The following MOB3A variants were observed in gnomAD, a reference collection of about 807,000 sequenced individuals.
MOB3A encodes MOB LAK.
Under a neutral mutation model 17.8 loss-of-function variants are expected in MOB3A, and 17 were observed. The ratio of observed to expected loss-of-function variants is 0.95; its 90% CI spans 0.65 to 1.43. The LOEUF is 1.43. MOB3A is among the 40% of genes most tolerant of loss of function. The pLI, the probability that MOB3A is intolerant of heterozygous loss-of-function variation, is 0.00. For missense variants in MOB3A, 333 were observed against 310.8 expected (o/e 1.07, Z -0.54); for synonymous variants, 124 against 133.2 (o/e 0.93, Z 0.48).
chr19:2,077,532 G>C (rs185161995), intron 3 of MOB3A, among the ~76,000 whole-genome samples: 1 of 152,198 alleles, frequency 6.6e-6, no homozygotes, highest in Non-Finnish European at 1.5e-5. Flanking sequence ...ACATCGAGCT[G>C]GGCAGGGGGT....
intron 1 of MOB3A, among the ~76,000 whole-genome samples, chr19:2,086,175 G>A (rs566360312): frequency 6.6e-6 from 1 of 150,864 alleles, no homozygotes; most frequent in African/African-American, 2.4e-5. Context: ...CAAGTAACAG[G>A]GACTACAGGT....
Position 2,073,278 on chromosome 19 carries a change from C to A in MOB3A, c.*117G>T. The A allele has an allele frequency of 7.4e-7, 1 of 1,354,196 alleles. No homozygotes were observed. The highest frequency in any genetic ancestry group is 1.0e-6 in the Non-Finnish European group (1 of 961,332). The allele number at this position is 1,354,196 out of a possible 1,614,324, so 83.9% of individuals were successfully genotyped here. On this transcript the variant is annotated 3_prime_UTR_variant, in exon 5 of 5. Transcript: ENST00000357066. Reference sequence around the variant, plus strand: ...CCAACACCTGCTCAGCGGCTCGGCCCCTGGTCTCCCTGAGATGCTCAGGCC... The same window carrying A: ...CCAACACCTGCTCAGCGGCTCGGCCACTGGTCTCCCTGAGATGCTCAGGCC...
At chr19:2,091,510 A>C (rs1197080937) in intron 1 of MOB3A, among the ~76,000 whole-genome samples, 1 of 150,942 alleles carries the variant, frequency 6.6e-6, no homozygotes. Flanking sequence ...CAGCCTCCCA[A>C]GTAGCTGGGA....
In MOB3A at chr19:2,078,575, C is replaced by T; in HGVS notation, c.-15G>A. On this transcript the variant is annotated 5_prime_UTR_variant, in exon 3 of 5. Coordinates refer to ENST00000357066, the MANE Select transcript of MOB3A (RefSeq NM_130807.3). ...GGGTTGGACATCTTGGTGACGCCTG[C>T]TCTCCTGGACTTCTGTAGAGGGGTC... is the stretch of plus-strand genomic sequence containing the variant. 1 of 1,550,000 alleles carries T rather than the reference C, an allele frequency of 6.5e-7. No individual in the cohort carries two copies. Among genetic ancestry groups the T allele is most frequent in the Non-Finnish European group, 8.7e-7 (1 of 1,144,668 alleles).
chr19:2,090,894 C>A (rs2017606884), intron 1 of MOB3A, among the ~76,000 whole-genome samples: 1 of 152,202 alleles, frequency 6.6e-6, no homozygotes, highest in Non-Finnish European at 1.5e-5. Flanking sequence ...GATCTCCTGA[C>A]CTCGTGATCC....
chr19:2,079,270 G>A (rs1029812671), intron 2 of MOB3A, among the ~76,000 whole-genome samples: 3 of 152,260 alleles, frequency 2.0e-5, no homozygotes, highest in African/African-American at 7.2e-5. Context: ...CAGCACTGTG[G>A]GGCTTGAGTG....
chr19:2,090,443 CT>C (rs2017600771), intron 1 of MOB3A, among the ~76,000 whole-genome samples: 1 of 152,098 alleles, frequency 6.6e-6, no homozygotes, highest in Admixed American at 6.5e-5. Context: ...CTGGGGACAT[CT>C]GTGGTTGTCA....
Position 2,073,384 on chromosome 19 carries a change from C to A in MOB3A, c.*11G>T, listed in dbSNP as rs774116448. 5.0e-6 allele frequency: 8 copies of A among 1,613,224 alleles called. No individual in the cohort carries two copies. The African/African-American group carries it at 9.3e-5, about 19-fold the overall frequency. On this transcript the variant is annotated 3_prime_UTR_variant, in exon 5 of 5. Coordinates refer to ENST00000357066, the MANE Select transcript of MOB3A (RefSeq NM_130807.3). ...AGCGGCGGTTCGGGCACCGGGAGAC[C>A]CGCGGGGCTCTCAGTGGCACATCCG...
rs557501064 is a variant in MOB3A at position 2,082,861 on chromosome 19, G to C, written c.-120+2314C>G. On this transcript the variant is annotated intron_variant, in intron 2 of 4. Coordinates refer to ENST00000357066, the MANE Select transcript of MOB3A (RefSeq NM_130807.3). The surrounding 1 kb of genome is among the most constrained non-coding windows in gnomAD (Gnocchi z 4.1). ...GGTTCTCGCTCTGCTGCTCAGGCTAGAGTGCAGTGGCAGGATCATGGCTCA... is the reference window on the plus strand; with the variant it reads ...GGTTCTCGCTCTGCTGCTCAGGCTACAGTGCAGTGGCAGGATCATGGCTCA... 1.4e-4 allele frequency among the ~76,000 whole-genome samples: 22 copies of C among 152,216 alleles called. No individual in the cohort carries two copies. Among genetic ancestry groups the C allele is most frequent in the Non-Finnish European group, 2.6e-4 (18 of 68,036 alleles).
rs1357115031 is a variant in MOB3A at position 2,076,881 on chromosome 19, G to A, written c.554C>T (p.Thr185Ile). Residue 185 changes from threonine to isoleucine, a missense_variant, in exon 4 of 5, where the codon ACC (threonine) becomes ATC (isoleucine). Thr to Ile is a moderately conservative substitution (Grantham distance 89). Transcript: ENST00000357066. ...GAAATAGTAGAAGTGCTTGTAGCAG[G>A]TGTTCACGTGGGCCTCGGAGCCCAT... ...AQMGSEAHVN[T>I]CYKHFYYFVK... 1.9e-5 allele frequency: 30 copies of A among 1,614,006 alleles called. No individual in the cohort carries two copies. The highest frequency in any genetic ancestry group is 2.5e-5 in the Non-Finnish European group (29 of 1,180,054).
intron 2 of MOB3A, among the ~76,000 whole-genome samples, chr19:2,083,599 C>T (rs921860540): frequency 6.6e-6 from 1 of 152,184 alleles, no homozygotes; most frequent in Non-Finnish European, 1.5e-5. Context: ...ACCGTGCAGG[C>T]GAGCAGATCC....
chr19:2,078,457 G>GC lies in MOB3A; in HGVS notation c.103dup (p.Ala35GlyfsTer36). The GC allele has an allele frequency of 6.2e-7, 1 of 1,612,716 alleles. No individual in the cohort carries two copies. The highest frequency in any genetic ancestry group is 1.1e-5 in the South Asian group (1 of 91,010). The stretch of plus-strand genomic sequence containing the variant: ...CAGCCCGGCGTTCAGCGACGCCTGC[G>GC]CCTTCTTGTGCAGCTCGAAGCGCTG... On this transcript the variant is annotated frameshift_variant, in exon 3 of 5. Transcript: ENST00000357066. LOFTEE classifies it high-confidence loss of function.
At chr19:2,081,643 T>C (rs2017491401) in intron 2 of MOB3A, among the ~76,000 whole-genome samples, 1 of 151,756 alleles carries the variant, frequency 6.6e-6, no homozygotes, top group South Asian at 2.1e-4. Context: ...CCCAGCACTT[T>C]GAGAGGCTGA....
In MOB3A at chr19:2,071,493, G is replaced by A. The variant is rs1485523875; in HGVS notation, c.*1902C>T. The A allele has an allele frequency of 1.3e-5, 2 of 152,378 alleles. No homozygotes were observed. Among genetic ancestry groups the A allele is most frequent in the East Asian group, 3.8e-4 (2 of 5,210 alleles). The allele number at this position is 152,378 out of a possible 1,614,324, so 9.4% of individuals were successfully genotyped here. A position where few individuals can be genotyped will look rare whatever the true frequency, so the allele number is the denominator to read the frequency against. The stretch of plus-strand genomic sequence containing the variant: ...TCGGTGACCATCCCAGGCGCCCAGA[G>A]GTGACCAGACTTCTGTGTGGTCTGG... On this transcript the variant is annotated 3_prime_UTR_variant, in exon 5 of 5. Coordinates refer to ENST00000357066, the MANE Select transcript of MOB3A (RefSeq NM_130807.3).
At chr19:2,087,390 C>T (rs534530578) in intron 1 of MOB3A, among the ~76,000 whole-genome samples, 5 of 152,332 alleles carry the variant, frequency 3.3e-5, no homozygotes, top group South Asian at 4.1e-4. Context: ...CAGTGGCTCA[C>T]GCCTGTAATC....
rs778716537 is a variant in MOB3A at position 2,078,311 on chromosome 19, T to C, written c.250A>G (p.Thr84Ala). The C allele has an allele frequency of 6.2e-7, 1 of 1,614,162 alleles. No individual in the cohort carries two copies. The highest frequency in any genetic ancestry group is 1.1e-5 in the South Asian group (1 of 91,088). ...GACATGACGGGGCAGGACTGCTCCG[T>C]GCAGCCGTCGCTGATGGTGCCGTAG... ...LIYGTISDGC[T>A]EQSCPVMSGG... Residue 84 changes from threonine to alanine, a missense_variant, in exon 3 of 5, where the codon ACG becomes GCG. Coordinates refer to ENST00000357066, the MANE Select transcript of MOB3A (RefSeq NM_130807.3).
Position 2,078,332 on chromosome 19 carries a change from C to G in MOB3A, c.229G>C (p.Gly77Arg). 1 of 1,614,180 alleles carries G rather than the reference C, an allele frequency of 6.2e-7. No homozygotes were observed. The highest frequency in any genetic ancestry group is 1.1e-5 in the South Asian group (1 of 91,082). The change falls in exon 3 of 5, where the codon GGC becomes CGC. Residue 77 changes from glycine to arginine, a missense_variant. Transcript: ENST00000357066. ...DFFNRVNLIY[G>R]TISDGCTEQS... ...TCCGTGCAGCCGTCGCTGATGGTGC[C>G]GTAGATGAGGTTGACGCGGTTAAAG... is the stretch of plus-strand genomic sequence containing the variant.
rs368335071 is a variant in MOB3A, at chr19:2,073,369, C to T, written c.*26G>A. The T allele has an allele frequency of 3.0e-5, 49 of 1,612,688 alleles. No homozygotes were observed. In the Middle Eastern group the frequency reaches 9.9e-4, roughly 33 times the overall value. On this transcript the variant is annotated 3_prime_UTR_variant, in exon 5 of 5. Coordinates refer to ENST00000357066, the MANE Select transcript of MOB3A (RefSeq NM_130807.3). ...AGTCTCCGAGGCCCCAGCGGCGGTTCGGGCACCGGGAGACCCGCGGGGCTC... is the reference window on the plus strand; with the variant it reads ...AGTCTCCGAGGCCCCAGCGGCGGTTTGGGCACCGGGAGACCCGCGGGGCTC...
chr19:2,080,548 T>A (rs1337109929), intron 2 of MOB3A, among the ~76,000 whole-genome samples: 1 of 152,098 alleles, frequency 6.6e-6, no homozygotes, highest in Non-Finnish European at 1.5e-5. Flanking sequence ...CAGCTAATTT[T>A]TGTATTTTTA....
Sources: allele counts gnomAD v4.1 joint callset (sites outside exome capture counted in the v4.1 genomes callset), GRCh38; gene constraint gnomAD v4.1.1; non-coding constraint Gnocchi (gnomAD v3.1); transcripts MANE v1.5; gene names NCBI Gene and HGNC (gene_info 2026-07-23, HGNC 2026-07-21).